ERBIN: variants seen among roughly 807,000 people sequenced by gnomAD.
ERBIN encodes densin-180-like protein.
In ERBIN, 60 loss-of-function variants were observed where a neutral mutation model predicts 158.4. The ratio of observed to expected loss-of-function variants is 0.38; its 90% CI spans 0.31 to 0.47. The LOEUF (loss-of-function observed/expected upper bound fraction) is 0.47, where lower values mean the gene tolerates loss of function less well. Among genes scored for constraint, ERBIN ranks in the 20% least tolerant of loss-of-function variants. ERBIN has a pLI of 0.99. For synonymous variants in ERBIN, 594 were observed against 557.2 expected, an observed-to-expected ratio of 1.07 and a Z score of -0.93; for missense variants, 1,610 against 1,648.0, an observed-to-expected ratio of 0.98 and a Z score of 0.40.
At chr5:66,042,169 C>T (rs2151200198) in intron 15 of ERBIN, among the ~76,000 whole-genome samples, 1 of 151,972 alleles carries the variant, frequency 6.6e-6, no homozygotes, top group South Asian at 2.1e-4. Flanking sequence ...TTCTGGGGTT[C>T]TTTAAAGCTC....
intron 1 of ERBIN, among the ~76,000 whole-genome samples, chr5:65,952,998 A>C (rs891648148): frequency 6.6e-6 from 1 of 152,206 alleles, no homozygotes. Context: ...AGTATACCAT[A>C]ATAAGACCCT....
chr5:65,997,263 G>A (rs550131683), intron 4 of ERBIN, among the ~76,000 whole-genome samples: 1 of 152,276 alleles, frequency 6.6e-6, no homozygotes, highest in African/African-American at 2.4e-5. Context: ...GGCCTTTATT[G>A]TGTTGAGGTG....
intron 1 of ERBIN, among the ~76,000 whole-genome samples, chr5:65,949,220 G>A (rs1746200344): frequency 6.6e-6 from 1 of 152,090 alleles, no homozygotes; most frequent in Admixed American, 6.5e-5. Context: ...TCAGGAGTCA[G>A]GTATAGATCT....
intron 21 of ERBIN, among the ~76,000 whole-genome samples, chr5:66,061,254 G>T (rs1429301366): frequency 1.3e-5 from 2 of 150,022 alleles, no homozygotes; most frequent in Non-Finnish European, 2.9e-5. Flanking sequence ...ATATATTTAG[G>T]ATAGTTAGTT....
intron 4 of ERBIN, among the ~76,000 whole-genome samples, chr5:66,010,242 G>A (rs989060364): frequency 1.3e-5 from 2 of 152,016 alleles, no homozygotes; most frequent in African/African-American, 4.8e-5. Flanking sequence ...ACTTAATTTG[G>A]ATTCGTTTGG....
At chr5:66,020,993 G>A (rs183759992) in intron 7 of ERBIN, among the ~76,000 whole-genome samples, 17 of 151,920 alleles carry the variant, frequency 1.1e-4, no homozygotes, top group Admixed American at 8.5e-4. Flanking sequence ...ACATTTATTA[G>A]CTGACTTGTA....
intron 1 of ERBIN, among the ~76,000 whole-genome samples, chr5:65,975,907 G>A (rs1205453785): frequency 6.6e-6 from 1 of 152,164 alleles, no homozygotes; most frequent in African/African-American, 2.4e-5. Flanking sequence ...GTTTCTCTTT[G>A]TAAGGATAGA....
chr5:65,959,304 A>G (rs1256524900), intron 1 of ERBIN, among the ~76,000 whole-genome samples: 2 of 152,074 alleles, frequency 1.3e-5, no homozygotes, highest in African/African-American at 2.4e-5. Flanking sequence ...TTCAGGAGTC[A>G]TGTGTTTATT....
intron 4 of ERBIN, among the ~76,000 whole-genome samples, chr5:66,007,906 A>G (rs1420891973): frequency 2.0e-5 from 3 of 152,220 alleles, no homozygotes; most frequent in Non-Finnish European, 4.4e-5. Flanking sequence ...TTTAGAACCT[A>G]CAAATGTATG....
chr5:66,008,317 G>T (rs1753838221), intron 4 of ERBIN, among the ~76,000 whole-genome samples: 2 of 152,132 alleles, frequency 1.3e-5, no homozygotes, highest in African/African-American at 4.8e-5. Flanking sequence ...TACTTAGGAG[G>T]CTGAGGCAGG....
chr5:66,026,563 G>C, intron 13 of ERBIN, 146 bp downstream of exon 13: 1 of 403,818 alleles, frequency 2.5e-6, no homozygotes, highest in South Asian at 9.2e-5. Flanking sequence ...TAGGCTCTTG[G>C]AAAGTGTGAC....
intron 1 of ERBIN, among the ~76,000 whole-genome samples, chr5:65,973,609 C>T (rs992244264): frequency 6.6e-6 from 1 of 151,014 alleles, no homozygotes; most frequent in African/African-American, 2.5e-5. Flanking sequence ...GGGCAGTAGA[C>T]ACACTGCATA....
At chr5:66,068,757 G>C (rs930289156) in intron 21 of ERBIN, 1 of 803,282 alleles carries the variant, frequency 1.2e-6, no homozygotes, top group African/African-American at 1.7e-5. Context: ...ATGAAAATTA[G>C]TGTTGCATGA....
At chr5:65,932,364 A>C (rs1181531814) in intron 1 of ERBIN, among the ~76,000 whole-genome samples, 1 of 151,876 alleles carries the variant, frequency 6.6e-6, no homozygotes, top group Non-Finnish European at 1.5e-5. Flanking sequence ...AAAGACATAA[A>C]CCTGGGAATA....
intron 1 of ERBIN, among the ~76,000 whole-genome samples, chr5:65,941,313 TA>T (rs1217469941): frequency 0.41 from 24,355 of 60,032 alleles, 2,561 homozygotes; most frequent in East Asian, 0.58. Flanking sequence ...GAATGATCAA[TA>T]AAAAAAAAAA....
At chr5:65,948,771 T>TTTTG (rs1554046019) in intron 1 of ERBIN, among the ~76,000 whole-genome samples, 3 of 144,722 alleles carry the variant, frequency 2.1e-5, no homozygotes, top group African/African-American at 5.2e-5. Context: ...CGTTTTTTTT[T>TTTTG]TTTTTTTTTT....
chr5:65,947,951 G>A (rs1745982606), intron 1 of ERBIN, among the ~76,000 whole-genome samples: 1 of 149,582 alleles, frequency 6.7e-6, no homozygotes, highest in Admixed American at 6.7e-5. Flanking sequence ...AGGTTGCAGT[G>A]AGCCGTGATA....
rs945175251 is a variant in ERBIN, at chr5:66,046,500, A to G, written c.1750A>G (p.Asn584Asp). The G allele has an allele frequency of 5.0e-6, 8 of 1,605,778 alleles. No homozygotes were observed. In the African/African-American group the frequency reaches 9.4e-5, roughly 19 times the overall value. Residue 584 changes from asparagine (N) to aspartate (D), a missense_variant, in exon 18 of 26, where the codon AAC becomes GAC. Coordinates refer to ENST00000284037, the MANE Select transcript of ERBIN (RefSeq NM_001253697.2). ...PVTANMKASENLKHIVNHDDV... is the reference protein window; with the variant it reads ...PVTANMKASEDLKHIVNHDDV... ...GACTGCAAATATGAAAGCCTCTGAG[A>G]ACTTGAAGCATATTGTTAACCATGA... is the stretch of plus-strand genomic sequence containing the variant.
chr5:65,974,581 C>T (rs1024317168), intron 1 of ERBIN, among the ~76,000 whole-genome samples: 1 of 152,148 alleles, frequency 6.6e-6, no homozygotes, highest in Non-Finnish European at 1.5e-5. Context: ...GCTTTTCTTC[C>T]ATCCCCATCT....
Sources: allele counts gnomAD v4.1 joint callset (sites outside exome capture counted in the v4.1 genomes callset), GRCh38; gene constraint gnomAD v4.1.1; transcripts MANE v1.5; gene names NCBI Gene and HGNC (gene_info 2026-07-23, HGNC 2026-07-21).